Variants in B3GALT1 observed in about 807,000 individuals in gnomAD.
The protein encoded by B3GALT1 is beta-1,3-galactosyltransferase 1, also known as UDP-Gal:betaGlcNAc beta 1,3-galactosyltransferase, polypeptide 1.
In B3GALT1, 10 loss-of-function variants were observed where a neutral mutation model predicts 23.2. The observed-to-expected ratio is 0.43, with a 90% CI of 0.27 to 0.73. The LOEUF (loss-of-function observed/expected upper bound fraction) is 0.73, where lower values mean the gene tolerates loss of function less well. Among genes scored for constraint, B3GALT1 ranks in the 30% least tolerant of loss-of-function variants. The probability of loss-of-function intolerance (pLI) is 0.21; values close to 1 mark genes in which losing one functional copy is unlikely to be tolerated. For synonymous variants in B3GALT1, 156 were observed against 141.5 expected, an observed-to-expected ratio of 1.10 and a Z score of -0.73; for missense variants, 299 against 405.4, an observed-to-expected ratio of 0.74 and a Z score of 2.25.
intron 3 of B3GALT1, among the ~76,000 whole-genome samples, chr2:167,774,019 T>C (rs1037419106): frequency 2.6e-5 from 4 of 152,262 alleles, no homozygotes; most frequent in African/African-American, 9.6e-5. Flanking sequence ...ACTGAAGTGG[T>C]ATTCCATTTT....
At chr2:167,399,029 A>G (rs1441606666) in intron 1 of B3GALT1, among the ~76,000 whole-genome samples, 2 of 152,182 alleles carry the variant, frequency 1.3e-5, no homozygotes, top group African/African-American at 4.8e-5. Context: ...AGTTCTAGAT[A>G]TGGCAAACTG....
chr2:167,459,395 G>A (rs918650715), intron 1 of B3GALT1, among the ~76,000 whole-genome samples: 3 of 152,140 alleles, frequency 2.0e-5, no homozygotes, highest in Admixed American at 2.0e-4. Context: ...CTGATATAAA[G>A]ATAACTTTGT....
chr2:167,443,920 G>A (rs1484244592), intron 1 of B3GALT1, among the ~76,000 whole-genome samples: 1 of 152,198 alleles, frequency 6.6e-6, no homozygotes, highest in African/African-American at 2.4e-5. Context: ...TAGGAGTGGT[G>A]AGAGAGGGCA....
chr2:167,679,638 A>G (rs1271554232), intron 3 of B3GALT1, among the ~76,000 whole-genome samples: 1 of 152,234 alleles, frequency 6.6e-6, no homozygotes, highest in African/African-American at 2.4e-5. Context: ...AGTAGTTACA[A>G]TTGTGGGTCT....
At chr2:167,848,110 CA>C (rs368525113) in intron 4 of B3GALT1, among the ~76,000 whole-genome samples, 33 of 151,564 alleles carry the variant, frequency 2.2e-4, no homozygotes, top group East Asian at 3.9e-4. Flanking sequence ...ATATTACCAA[CA>C]AAAAAAAGGT....
chr2:167,417,155 T>C (rs1264405603), intron 1 of B3GALT1, among the ~76,000 whole-genome samples: 1 of 152,156 alleles, frequency 6.6e-6, no homozygotes, highest in African/African-American at 2.4e-5. Flanking sequence ...ATGTTGACAC[T>C]CAATCCTCAA....
intron 3 of B3GALT1, among the ~76,000 whole-genome samples, chr2:167,712,756 C>T (rs1687081691): frequency 6.6e-6 from 1 of 151,986 alleles, no homozygotes; most frequent in East Asian, 1.9e-4. Context: ...ATTCTTTGAG[C>T]CATTGAAATT....
intron 3 of B3GALT1, among the ~76,000 whole-genome samples, chr2:167,688,946 A>G (rs1686663241): frequency 6.6e-6 from 1 of 152,124 alleles, no homozygotes; most frequent in Admixed American, 6.6e-5. Flanking sequence ...GTGCACACAG[A>G]CATGTTGACA....
intron 1 of B3GALT1, among the ~76,000 whole-genome samples, chr2:167,340,335 A>AAAAAC (rs1553513212): frequency 7.1e-6 from 1 of 140,676 alleles, no homozygotes. Context: ...AAAAAAAAAA[A>AAAAAC]CAGAGCTTTT....
chr2:167,322,873 G>A (rs1291662132), intron 1 of B3GALT1, among the ~76,000 whole-genome samples: 2 of 151,942 alleles, frequency 1.3e-5, no homozygotes. Context: ...GGGGCTTTCA[G>A]ACAAAAATCT....
intron 1 of B3GALT1, among the ~76,000 whole-genome samples, chr2:167,481,388 A>T (rs1699562490): frequency 6.6e-6 from 1 of 152,244 alleles, no homozygotes; most frequent in Admixed American, 6.5e-5. Context: ...AGCTAAAATA[A>T]AAACAAAACA....
intron 2 of B3GALT1, among the ~76,000 whole-genome samples, chr2:167,517,713 G>A (rs920816277): frequency 6.6e-6 from 1 of 151,994 alleles, no homozygotes; most frequent in Admixed American, 6.6e-5. Context: ...AACTAGCTTT[G>A]TAGTGGACAT....
chr2:167,579,928 G>T (rs888930499), intron 2 of B3GALT1, among the ~76,000 whole-genome samples: 1 of 151,980 alleles, frequency 6.6e-6, no homozygotes, highest in South Asian at 2.1e-4. Context: ...TTACATAGGT[G>T]ATTGATAGTG....
In B3GALT1 at chr2:167,527,389, A is replaced by G. The variant is rs549567549; in HGVS notation, c.-410+37112A>G. 4.7e-5 allele frequency among the ~76,000 whole-genome samples: 6 copies of G among 126,460 alleles called. No homozygotes were observed. In the East Asian group the frequency reaches 2.6e-3, roughly 54 times the overall value. 83.0% of individuals were successfully genotyped at this position (126,460 alleles called of 152,430 possible). On this transcript the variant is annotated intron_variant, in intron 2 of 4. Transcript: ENST00000392690. ...TTTTTCTTCATATTAAAGATATTCA[A>G]TCTTTATCCATTATCTTTGATACAA...
intron 1 of B3GALT1, among the ~76,000 whole-genome samples, chr2:167,453,943 T>G (rs1699127484): frequency 6.6e-6 from 1 of 152,340 alleles, no homozygotes; most frequent in Non-Finnish European, 1.5e-5. Flanking sequence ...TGGCTTCTAC[T>G]TGTTTGGCAT....
At chr2:167,307,703 C>G (rs1696570673) in intron 1 of B3GALT1, among the ~76,000 whole-genome samples, 3 of 151,844 alleles carry the variant, frequency 2.0e-5, no homozygotes, top group Admixed American at 2.0e-4. Flanking sequence ...TAGTGCTGAG[C>G]CTCTTTCTTT....
intron 2 of B3GALT1, among the ~76,000 whole-genome samples, chr2:167,590,547 A>G (rs1171058045): frequency 1.3e-5 from 2 of 152,114 alleles, no homozygotes; most frequent in Non-Finnish European, 2.9e-5. Flanking sequence ...GGGGGGAAAA[A>G]AAAGAAATAA....
intron 4 of B3GALT1, among the ~76,000 whole-genome samples, chr2:167,845,708 AC>A (rs200587892): frequency 4.7e-5 from 7 of 149,280 alleles, no homozygotes; most frequent in Non-Finnish European, 8.9e-5. Flanking sequence ...CCGCGCCCCC[AC>A]CCCCCCGCAA....
chr2:167,467,765 A>G (rs535638382), intron 1 of B3GALT1, among the ~76,000 whole-genome samples: 2 of 152,348 alleles, frequency 1.3e-5, no homozygotes, highest in African/African-American at 4.8e-5. Flanking sequence ...TGAGCTTGAT[A>G]CAACCTACAA....
Sources: gnomAD v4.1 joint callset for allele counts (sites outside exome capture counted in the v4.1 genomes callset) on GRCh38, gnomAD v4.1.1 for gene constraint, MANE v1.5 for transcripts, NCBI Gene and HGNC (gene_info 2026-07-23, HGNC 2026-07-21) for gene names.